DTNB: variants seen among roughly 807,000 people sequenced by gnomAD.
DTNB encodes DTN-B.
A neutral mutation model predicts 90.7 loss-of-function variants in DTNB; 63 were observed. That is an observed-to-expected ratio of 0.69 (90% confidence interval 0.57 to 0.86). DTNB has a LOEUF of 0.86. Ranked by LOEUF, DTNB falls within the 40% of genes least tolerant of loss-of-function variation. The pLI is 0.00. For missense variants in DTNB, 744 were observed against 807.1 expected (o/e 0.92, Z 0.95); for synonymous variants, 277 against 286.7 (o/e 0.97, Z 0.34).
chr2:25,580,082 A>C (rs761598779), intron 7 of DTNB, among the ~76,000 whole-genome samples: 27 of 148,180 alleles, frequency 1.8e-4, no homozygotes, highest in Non-Finnish European at 3.8e-4. Flanking sequence ...CCCAGGTTCA[A>C]GCAATTCTCC....
intron 3 of DTNB, among the ~76,000 whole-genome samples, chr2:25,632,110 G>T (rs967700034): frequency 6.9e-6 from 1 of 145,124 alleles, no homozygotes; most frequent in South Asian, 2.1e-4. Context: ...CAGGAGAATC[G>T]CTTGAACCTG....
chr2:25,584,185 CT>C (rs2062000010), intron 6 of DTNB, among the ~76,000 whole-genome samples: 2 of 152,168 alleles, frequency 1.3e-5, no homozygotes, highest in Non-Finnish European at 2.9e-5. Context: ...CATTATTGGT[CT>C]TTTTCAATCT....
intron 4 of DTNB, among the ~76,000 whole-genome samples, chr2:25,627,957 C>T (rs553392584): frequency 6.1e-4 from 93 of 152,222 alleles, no homozygotes; most frequent in African/African-American, 2.0e-3. Flanking sequence ...GGGATGGTCT[C>T]CATCTCCTGA....
chr2:25,443,186 T>G (rs2057817911), intron 12 of DTNB, among the ~76,000 whole-genome samples: 1 of 152,196 alleles, frequency 6.6e-6, no homozygotes. Flanking sequence ...CAGAGGATCA[T>G]ATTATAAAAG....
At chr2:25,599,449 C>T (rs931489977) in intron 5 of DTNB, among the ~76,000 whole-genome samples, 1 of 151,780 alleles carries the variant, frequency 6.6e-6, no homozygotes, top group African/African-American at 2.4e-5. Context: ...TCACACCATT[C>T]TCCTGCCTCA....
Position 25,580,798 on chromosome 2 carries a change from T to C in DTNB, c.632A>G (p.Asp211Gly). 6.2e-7 allele frequency: 1 copy of C among 1,613,380 alleles called. No homozygotes were observed. The highest frequency in any genetic ancestry group is 1.7e-4 in the Middle Eastern group (1 of 6,060). ...GGGAGGAGGGTCAGCCATCATTGTGTCTAAAAACATATTTAGCATTATCTT... is the reference window on the plus strand; with the variant it reads ...GGGAGGAGGGTCAGCCATCATTGTGCCTAAAAACATATTTAGCATTATCTT... ...QRKIMLNMFL[D>G]TMMADPPPQC... is the part of the protein sequence containing the mutation. The change falls in exon 7 of 21, where the codon GAC becomes GGC. Residue 211 changes from aspartate (D) to glycine (G), a missense_variant. Coordinates refer to ENST00000406818, the MANE Select transcript of DTNB (RefSeq NM_021907.5).
Position 25,522,093 on chromosome 2 carries a change from G to C in DTNB, c.1001+9380C>G, listed in dbSNP as rs73922411. ...ACAGGAAGCCTGTTAGAGGCATCCA[G>C]AGGTAGACGTGGTATAAATATGTTT... On this transcript the variant is annotated intron_variant, in intron 9 of 20. Transcript: ENST00000406818. 6.0e-3 allele frequency among the ~76,000 whole-genome samples: 907 copies of C among 152,360 alleles called. 8 individuals carry two copies. Among genetic ancestry groups the C allele is most frequent in the African/African-American group, 0.021 (867 of 41,592 alleles).
At chr2:25,467,281 T>C (rs545599581) in intron 10 of DTNB, among the ~76,000 whole-genome samples, 3 of 146,548 alleles carry the variant, frequency 2.0e-5, no homozygotes, top group Admixed American at 7.2e-5. Flanking sequence ...TTTGATGTAA[T>C]CTTTGTTTTC....
intron 9 of DTNB, 117 bp from the exon 10 acceptor site, chr2:25,482,990 G>T: frequency 9.7e-7 from 1 of 1,031,724 alleles, no homozygotes; most frequent in South Asian, 2.1e-5. Flanking sequence ...AAGCACAGAC[G>T]GACCCATGGG....
intron 6 of DTNB, among the ~76,000 whole-genome samples, chr2:25,586,002 T>C (rs2062329049): frequency 6.6e-6 from 1 of 152,198 alleles, no homozygotes; most frequent in Non-Finnish European, 1.5e-5. Flanking sequence ...CTTAGAGATA[T>C]TTTTATTTGT....
chr2:25,436,550 A>G (rs2055840693), intron 12 of DTNB, among the ~76,000 whole-genome samples: 2 of 152,134 alleles, frequency 1.3e-5, no homozygotes, highest in African/African-American at 4.8e-5. Context: ...TTCATGTGGC[A>G]GTTTCTAAAT....
intron 16 of DTNB, among the ~76,000 whole-genome samples, chr2:25,390,598 C>T (rs2040826160): frequency 6.6e-6 from 1 of 151,946 alleles, no homozygotes; most frequent in Admixed American, 6.6e-5. Context: ...TGCGTGTGTG[C>T]CACCATGCCT....
chr2:25,415,400 C>T (rs989650338), intron 16 of DTNB, among the ~76,000 whole-genome samples: 1 of 147,512 alleles, frequency 6.8e-6, no homozygotes, highest in Non-Finnish European at 1.5e-5. Flanking sequence ...GTGCATGCTA[C>T]CATGCCTGGC....
chr2:25,609,657 T>TACACACACAC (rs4007298), intron 4 of DTNB, among the ~76,000 whole-genome samples: 55 of 127,068 alleles, frequency 4.3e-4, no homozygotes, highest in East Asian at 7.2e-4. Context: ...TAATAGAATG[T>TACACACACAC]ACACACACAC....
intron 2 of DTNB, among the ~76,000 whole-genome samples, chr2:25,642,891 C>A (rs1252255552): frequency 6.6e-6 from 1 of 151,912 alleles, no homozygotes; most frequent in Non-Finnish European, 1.5e-5. Context: ...GTAGCTGGGA[C>A]TACAGGCGTG....
intron 10 of DTNB, among the ~76,000 whole-genome samples, chr2:25,468,033 G>A (rs992678725): frequency 2.0e-5 from 3 of 152,062 alleles, no homozygotes; most frequent in Admixed American, 6.5e-5. Flanking sequence ...AGTGTTCTGA[G>A]GTCAGTTATA....
At chr2:25,527,837 TA>T (rs759350791) in intron 9 of DTNB, among the ~76,000 whole-genome samples, 28 of 152,082 alleles carry the variant, frequency 1.8e-4, no homozygotes, top group Non-Finnish European at 3.1e-4. Context: ...ACAAAGAAAA[TA>T]ACCCTTCCAA....
chr2:25,540,937 C>T (rs934714132), intron 8 of DTNB, among the ~76,000 whole-genome samples: 14 of 151,668 alleles, frequency 9.2e-5, no homozygotes, highest in African/African-American at 1.9e-4. Context: ...CTAGGAAAAC[C>T]AGAGACCTTT....
At chr2:25,507,774 C>T (rs1197017520) in intron 9 of DTNB, among the ~76,000 whole-genome samples, 1 of 152,144 alleles carries the variant, frequency 6.6e-6, no homozygotes, top group Non-Finnish European at 1.5e-5. Context: ...TCACTTAGTC[C>T]TTACAATGGC....
Sources: allele counts gnomAD v4.1 joint callset (sites outside exome capture counted in the v4.1 genomes callset), GRCh38; gene constraint gnomAD v4.1.1; transcripts MANE v1.5; gene names NCBI Gene and HGNC (gene_info 2026-07-23, HGNC 2026-07-21).